TIPIN: variants seen among roughly 807,000 people sequenced by gnomAD.
The protein encoded by TIPIN is TIMELESS interacting protein.
Under a neutral mutation model 35.6 loss-of-function variants are expected in TIPIN, and 29 were observed. That is an observed-to-expected ratio of 0.82 (90% CI 0.61 to 1.11). The LOEUF (loss-of-function observed/expected upper bound fraction) is 1.11. TIPIN is among the 50% of genes most tolerant of loss of function. The pLI is 0.00. For missense variants in TIPIN, 296 were observed against 345.4 expected (o/e 0.86, Z 1.13); for synonymous variants, 102 against 121.5 (o/e 0.84, Z 1.06).
At chr15:66,367,834 TTTTTG>T (rs1208203322) in intron 1 of TIPIN, among the ~76,000 whole-genome samples, 3 of 139,864 alleles carry the variant, frequency 2.1e-5, no homozygotes, top group African/African-American at 7.8e-5. Context: ...TAAATCTTTG[TTTTTG>T]TTTTTTTTTT....
upstream of TIPIN, among the ~76,000 whole-genome samples, chr15:66,359,033 ACT>A (rs1414706137): frequency 4.1e-5 from 6 of 145,928 alleles, no homozygotes; most frequent in East Asian, 1.2e-3. Flanking sequence ...ATATAACTAG[ACT>A]CTGTCTCAAA....
At chr15:66,361,779 G>C (rs542202348) in intron 1 of TIPIN, among the ~76,000 whole-genome samples, 3 of 150,792 alleles carry the variant, frequency 2.0e-5, no homozygotes, top group Non-Finnish European at 3.0e-5. Flanking sequence ...AGGCTGAGGC[G>C]GGCAGATCAC....
At chr15:66,378,616 A>C (rs1258988914) in intron 1 of TIPIN, among the ~76,000 whole-genome samples, 1 of 151,888 alleles carries the variant, frequency 6.6e-6, no homozygotes, top group Non-Finnish European at 1.5e-5. Context: ...TGGTTTTGAC[A>C]GTTTGTGTCT....
chr15:66,365,657 T>A (rs2093251000), intron 1 of TIPIN, among the ~76,000 whole-genome samples: 1 of 152,188 alleles, frequency 6.6e-6, no homozygotes, highest in African/African-American at 2.4e-5. Context: ...AGCAATTCTC[T>A]TGCCTCAGCC....
rs1215549330 is a variant in TIPIN, at chr15:66,356,653, A to G, written c.-23T>C. 3.0e-6 allele frequency: 3 copies of G among 985,648 alleles called. No homozygotes were observed. Among genetic ancestry groups the G allele is most frequent in the African/African-American group, 3.5e-5 (2 of 57,204 alleles). 61.1% of individuals were successfully genotyped at this position (985,648 alleles called of 1,614,324 possible). Reference sequence around the variant, plus strand: ...CCAGCTCTCACCTCACGCAGAAAACACGGGACACAGCGCGGACCTCGGCGT... The same window carrying G: ...CCAGCTCTCACCTCACGCAGAAAACGCGGGACACAGCGCGGACCTCGGCGT... On this transcript the variant is annotated 5_prime_UTR_variant, in exon 1 of 8. Transcript: ENST00000261881.
chr15:66,353,383 C>T (rs574062652), intron 1 of TIPIN, among the ~76,000 whole-genome samples: 80 of 151,978 alleles, frequency 5.3e-4, no homozygotes, highest in Admixed American at 4.4e-3. Flanking sequence ...TTTGGGAGGC[C>T]GAGGCGGGCG....
chr15:66,359,555 T>C (rs2093222556), upstream of TIPIN, among the ~76,000 whole-genome samples: 2 of 152,076 alleles, frequency 1.3e-5, no homozygotes, highest in South Asian at 4.1e-4. Flanking sequence ...TTTCACCATG[T>C]TGGTCGGGCT....
intron 7 of TIPIN, among the ~76,000 whole-genome samples, chr15:66,338,129 G>A (rs373281623): frequency 4.6e-5 from 7 of 151,906 alleles, no homozygotes; most frequent in African/African-American, 9.7e-5. Context: ...GGTGGAGCAC[G>A]CCTGTAATCC....
At chr15:66,348,625 T>C (rs2093144823) in intron 6 of TIPIN, among the ~76,000 whole-genome samples, 1 of 141,762 alleles carries the variant, frequency 7.1e-6, no homozygotes, top group Admixed American at 7.2e-5. Context: ...ACCCAGGAGA[T>C]GGAGGTTGTA....
chr15:66,343,895 G>A (rs1176805258), intron 6 of TIPIN, among the ~76,000 whole-genome samples: 1 of 152,048 alleles, frequency 6.6e-6, no homozygotes, highest in Non-Finnish European at 1.5e-5. Context: ...CTACTCAGGA[G>A]GCTGAGGCAG....
intron 6 of TIPIN, among the ~76,000 whole-genome samples, chr15:66,344,432 A>T (rs1418644637): frequency 3.1e-5 from 4 of 130,312 alleles, no homozygotes; most frequent in East Asian, 2.0e-4. Flanking sequence ...AAAAAAAAGT[A>T]AAAAAAAAAG....
chr15:66,364,158 C>CTTTTTT (rs747825457), intron 1 of TIPIN, among the ~76,000 whole-genome samples: 147 of 73,776 alleles, frequency 2.0e-3, no homozygotes, highest in Non-Finnish European at 2.5e-3. Context: ...TCTTTCTTTT[C>CTTTTTT]TTTTTTTTTT....
At chr15:66,340,754 A>G (rs919076763) in intron 7 of TIPIN, among the ~76,000 whole-genome samples, 7 of 150,984 alleles carry the variant, frequency 4.6e-5, no homozygotes, top group African/African-American at 1.7e-4. Flanking sequence ...GCACCACCAC[A>G]CCTGGCTAAT....
At chr15:66,344,348 G>A (rs1004476347) in intron 6 of TIPIN, among the ~76,000 whole-genome samples, 3 of 151,854 alleles carry the variant, frequency 2.0e-5, no homozygotes, top group African/African-American at 7.3e-5. Flanking sequence ...TTGGGAGATT[G>A]AGGCAGAAGG....
At position 66,381,721 on chromosome 15, in the gene TIPIN, G is replaced by C. The variant is rs113930073; in HGVS notation, c.-9+4886C>G. Among the ~76,000 whole-genome samples, 1,297 of 152,244 alleles carry C rather than the reference G, an allele frequency of 8.5e-3. 28 individuals are homozygous for C. Among genetic ancestry groups the C allele is most frequent in the African/African-American group, 0.03 (1,235 of 41,542 alleles). ...GGAAGTAGAATTACTGAATCAAAGT[G>C]TGTGAATATTTCTGAAGAAGAAATT... On this transcript the variant is annotated intron_variant, in intron 1 of 7. Transcript: ENST00000562124.
intron 1 of TIPIN, chr15:66,371,184 C>T: frequency 2.1e-6 from 2 of 961,282 alleles, no homozygotes; most frequent in Non-Finnish European, 2.5e-6. Flanking sequence ...GCACTGCAGG[C>T]TGGGCAACAG....
intron 1 of TIPIN, among the ~76,000 whole-genome samples, chr15:66,385,296 G>A (rs1184094600): frequency 6.6e-6 from 1 of 152,172 alleles, no homozygotes; most frequent in African/African-American, 2.4e-5. Context: ...ATAACCAGGT[G>A]TAGATGTTTC....
intron 1 of TIPIN, among the ~76,000 whole-genome samples, chr15:66,367,188 AT>A (rs2093258432): frequency 5.0e-5 from 1 of 19,862 alleles, no homozygotes; most frequent in African/African-American, 2.2e-4. Flanking sequence ...TCAAAAAAAA[AT>A]CTATATCTAT....
At position 66,365,269 on chromosome 15, in the gene TIPIN, C is replaced by T. The variant is rs191114141; in HGVS notation, c.-8-12314G>A. On this transcript the variant is annotated intron_variant, in intron 1 of 7. Coordinates refer to the TIPIN transcript ENST00000562124. ...AAGTGACCTCTGGTTGTCCTCACTG[C>T]TCATAATACATTATACATAATACAT... is the stretch of plus-strand genomic sequence containing the variant. 2.0e-5 allele frequency among the ~76,000 whole-genome samples: 3 copies of T among 151,518 alleles called. No homozygotes were observed. The East Asian group carries it at 5.8e-4, about 29-fold the overall frequency.
Sources: allele counts gnomAD v4.1 joint callset (sites outside exome capture counted in the v4.1 genomes callset), GRCh38; gene constraint gnomAD v4.1.1; transcripts MANE v1.5; gene names NCBI Gene and HGNC (gene_info 2026-07-23, HGNC 2026-07-21).